Variants in TSPO observed in about 807,000 individuals in gnomAD.
The protein encoded by TSPO is translocator protein, also known as benzodiazepine peripheral binding site.
Under a neutral mutation model 13.9 loss-of-function variants are expected in TSPO, and 14 were observed. The observed-to-expected ratio is 1.01, with a 90% CI of 0.67 to 1.58. The LOEUF is 1.58. TSPO is among the 40% of genes most tolerant of loss of function. The pLI is 0.00. For missense variants in TSPO, 232 were observed against 229.6 expected (o/e 1.01, Z -0.07); for synonymous variants, 114 against 105.9 (o/e 1.08, Z -0.47).
intron 1 of TSPO, among the ~76,000 whole-genome samples, chr22:43,155,796 A>G (rs1931232612): frequency 6.6e-6 from 1 of 152,214 alleles, no homozygotes; most frequent in Non-Finnish European, 1.5e-5. Flanking sequence ...AAGGGTGTAT[A>G]GGTGGCTTCA....
At position 43,159,344 on chromosome 22, in the gene TSPO, G is replaced by T. The variant is rs1204008530; in HGVS notation, c.106G>T (p.Gly36Cys). Reference protein sequence around the residue: ...VHGEGLRWYAGLQKPSWHPPH... With the variant: ...VHGEGLRWYACLQKPSWHPPH... ...CGGCGAGGGTCTCCGCTGGTACGCCGGCCTGCAGAAGCCCTCGTGGCACCC... is the reference window on the plus strand; with the variant it reads ...CGGCGAGGGTCTCCGCTGGTACGCCTGCCTGCAGAAGCCCTCGTGGCACCC... The change falls in exon 2 of 4, where the codon GGC (glycine) becomes TGC (cysteine). Residue 36 changes from glycine (G) to cysteine (C), a missense_variant. Coordinates refer to ENST00000337554, the MANE Select transcript of TSPO (RefSeq NM_000714.6). The T allele has an allele frequency of 1.3e-6, 2 of 1,547,542 alleles. No individual in the cohort carries two copies.
chr22:43,159,489 AG>A, intron 2 of TSPO, 69 bp downstream of exon 2: 1 of 1,346,980 alleles, frequency 7.4e-7, no homozygotes, highest in African/African-American at 1.5e-5. Context: ...CCCAGGACAG[AG>A]GGTCTTCTCC....
At chr22:43,160,019 G>A (rs2147056987) in intron 2 of TSPO, among the ~76,000 whole-genome samples, 1 of 152,306 alleles carries the variant, frequency 6.6e-6, no homozygotes, top group Admixed American at 6.5e-5. Flanking sequence ...CTTCTGAAAT[G>A]TTCCCTGCAT....
In TSPO at chr22:43,162,978, G is replaced by T. The variant is rs8192467; in HGVS notation, c.497G>T (p.Arg166Leu). Residue 166 changes from arginine to leucine, a missense_variant, in exon 4 of 4, where the codon CGG becomes CTG. Arg to Leu is a moderately radical substitution (Grantham distance 102, BLOSUM62 -2). Transcript: ENST00000337554. Reference sequence around the variant, plus strand: ...AACCATGGCTGGCGTGGGGGACGGCGGCTGCCAGAGTGAGTGCCCGGCCCA... The same window carrying T: ...AACCATGGCTGGCGTGGGGGACGGCTGCTGCCAGAGTGAGTGCCCGGCCCA... ...RDNHGWRGGR[R>L]LPE is the part of the protein sequence containing the mutation. 360 of 1,582,386 alleles carry T rather than the reference G, an allele frequency of 2.3e-4. No individual in the cohort carries two copies. The highest frequency in any genetic ancestry group is 1.8e-3 in the Middle Eastern group (11 of 6,008).
intron 1 of TSPO, 86 bp from the exon 2 acceptor site, chr22:43,159,124 C>T: frequency 9.1e-7 from 1 of 1,093,972 alleles, no homozygotes; most frequent in Non-Finnish European, 1.2e-6. Flanking sequence ...CTGTGGGTGA[C>T]AGGCCTTTCG....
At chr22:43,161,491 T>C (rs961498804) in intron 3 of TSPO, among the ~76,000 whole-genome samples, 12 of 151,572 alleles carry the variant, frequency 7.9e-5, no homozygotes, top group African/African-American at 2.7e-4. Context: ...TAACAGCTTC[T>C]TCTTTTTTTT....
intron 2 of TSPO, among the ~76,000 whole-genome samples, chr22:43,160,626 A>G (rs1931405537): frequency 6.6e-6 from 1 of 152,168 alleles, no homozygotes; most frequent in Non-Finnish European, 1.5e-5. Flanking sequence ...AGACTGACTC[A>G]GGGTCTCACA....
At chr22:43,155,043 A>G (rs1407079180) in intron 1 of TSPO, among the ~76,000 whole-genome samples, 1 of 151,530 alleles carries the variant, frequency 6.6e-6, no homozygotes, top group African/African-American at 2.4e-5. Flanking sequence ...AAGGAGGCTG[A>G]GACGGGCGGT....
In TSPO at chr22:43,159,275, C is replaced by T; in HGVS notation, c.37C>T (p.Leu13=). 1 of 1,558,078 alleles carries T rather than the reference C, an allele frequency of 6.4e-7. No individual in the cohort carries two copies. The highest frequency in any genetic ancestry group is 1.4e-5 in the African/African-American group (1 of 73,622). ...CTGGGTGCCCGCCATGGGCTTCACG[C>T]TGGCGCCCAGCCTGGGGTGCTTCGT... ...PPWVPAMGFT[L]APSLGCFVGS... is the part of the protein sequence containing the mutation. Residue 13 remains leucine (L), a synonymous_variant, in exon 2 of 4, where the codon CTG becomes TTG. Coordinates refer to ENST00000337554, the MANE Select transcript of TSPO (RefSeq NM_000714.6).
chr22:43,152,295 G>A (rs1601751987), intron 1 of TSPO: 1 of 152,294 alleles, frequency 6.6e-6, no homozygotes, highest in Non-Finnish European at 1.5e-5. Flanking sequence ...GGCCTGGCGT[G>A]GGCCTGGAGC....
intron 1 of TSPO, among the ~76,000 whole-genome samples, chr22:43,158,353 G>A (rs9333328): frequency 1.6e-4 from 24 of 152,182 alleles, no homozygotes; most frequent in African/African-American, 1.2e-4. Flanking sequence ...CCTAGCCCTC[G>A]CCCCAGCAGG....
At chr22:43,156,087 T>C (rs1931241419) in intron 1 of TSPO, among the ~76,000 whole-genome samples, 1 of 152,232 alleles carries the variant, frequency 6.6e-6, no homozygotes, top group South Asian at 2.1e-4. Flanking sequence ...GCAGACCCTC[T>C]GAGCCCCTTG....
chr22:43,158,267 C>T (rs1201248466), intron 1 of TSPO, among the ~76,000 whole-genome samples: 1 of 152,148 alleles, frequency 6.6e-6, no homozygotes, highest in Non-Finnish European at 1.5e-5. Flanking sequence ...TCAGAGGGTC[C>T]CTTTCTGAGG....
At chr22:43,155,426 G>A (rs1400257969) in intron 1 of TSPO, among the ~76,000 whole-genome samples, 2 of 152,192 alleles carry the variant, frequency 1.3e-5, no homozygotes, top group Non-Finnish European at 2.9e-5. Context: ...ACCCTGCCCC[G>A]ATCTTGCCCC....
At chr22:43,155,049 G>C (rs1931207212) in intron 1 of TSPO, among the ~76,000 whole-genome samples, 1 of 152,106 alleles carries the variant, frequency 6.6e-6, no homozygotes, top group Non-Finnish European at 1.5e-5. Context: ...GCTGAGACGG[G>C]CGGTGACACA....
intron 3 of TSPO, 23 bp from the exon 4 acceptor site, chr22:43,162,780 C>T (rs962499033): frequency 6.5e-7 from 1 of 1,528,854 alleles, no homozygotes; most frequent in Non-Finnish European, 8.8e-7. Flanking sequence ...GCCTCCCCAT[C>T]CTCCGTCCCC....
chr22:43,153,011 G>A (rs1015113698), intron 1 of TSPO, among the ~76,000 whole-genome samples: 2 of 78,854 alleles, frequency 2.5e-5, no homozygotes, highest in South Asian at 2.7e-4. Context: ...CCTTTCTTCC[G>A]TCCTTCCTTC....
Position 43,163,022 on chromosome 22 carries a change from CCAGCAGGTGCCAT to C in TSPO, c.*34_*46del. The C allele has an allele frequency of 6.3e-7, 1 of 1,574,822 alleles. No homozygotes were observed. Among genetic ancestry groups the C allele is most frequent in the Non-Finnish European group, 8.6e-7 (1 of 1,160,548 alleles). On this transcript the variant is annotated 3_prime_UTR_variant, in exon 4 of 4. Transcript: ENST00000337554. ...CGGCCCACCAGGGACTGCAGCTGCA[CCAGCAGGTGCCAT>C]CACGCTTGTGATGTGGTGGCCGTCA...
chr22:43,160,319 A>G (rs1180543566), intron 2 of TSPO, among the ~76,000 whole-genome samples: 3 of 152,280 alleles, frequency 2.0e-5, no homozygotes, highest in East Asian at 1.9e-4. Context: ...CGAACCCCTC[A>G]TTAGTAGGTG....
Sources: gnomAD v4.1 joint callset for allele counts (sites outside exome capture counted in the v4.1 genomes callset) on GRCh38, gnomAD v4.1.1 for gene constraint, MANE v1.5 for transcripts, NCBI Gene and HGNC (gene_info 2026-07-23, HGNC 2026-07-21) for gene names.